Variants in AP1M1 observed in about 807,000 individuals in gnomAD.
AP1M1 encodes the protein AP-1 complex subunit mu-1.
AP1M1 carries 18 observed loss-of-function variants against 57.1 expected under a neutral mutation model. The ratio of observed to expected loss-of-function variants is 0.32; its 90% CI spans 0.22 to 0.47. The LOEUF (loss-of-function observed/expected upper bound fraction) is 0.47, where lower values mean the gene tolerates loss of function less well. Among genes scored for constraint, AP1M1 ranks in the 20% least tolerant of loss-of-function variants. The pLI is 1.00. For missense variants in AP1M1, 362 were observed against 593.5 expected, an observed-to-expected ratio of 0.61 and a Z score of 4.05; for synonymous variants, 241 against 237.9, an observed-to-expected ratio of 1.01 and a Z score of -0.12.
At chr19:16,229,209 C>T (rs1313517615) in intron 9 of AP1M1, among the ~76,000 whole-genome samples, 5 of 152,202 alleles carry the variant, frequency 3.3e-5, no homozygotes, top group Non-Finnish European at 7.3e-5. Context: ...TGTGATGCCC[C>T]TGAGTACTGA....
At chr19:16,213,472 G>A (rs191343773) in intron 5 of AP1M1, among the ~76,000 whole-genome samples, 1 of 152,096 alleles carries the variant, frequency 6.6e-6, no homozygotes, top group East Asian at 1.9e-4. Flanking sequence ...TTGAGTCTGT[G>A]GGTGTTATTG....
rs983166014 is a variant in AP1M1 at position 16,207,831 on chromosome 19, C to A, written c.268-188C>A. Among the ~76,000 whole-genome samples the A allele has an allele frequency of 9.9e-5, 15 of 152,166 alleles. No individual in the cohort carries two copies. The highest frequency in any genetic ancestry group is 2.1e-4 in the Non-Finnish European group (14 of 68,024). On this transcript the variant is annotated intron_variant, in intron 3 of 11. Coordinates refer to ENST00000291439, the MANE Select transcript of AP1M1 (RefSeq NM_032493.4). The surrounding 1 kb of genome is among the most constrained non-coding windows in gnomAD (Gnocchi z 4.2). ...CAGTGGCTCCAGCCTGGCCCCACCC[C>A]ACAGCCAGCCACTGCTGTCCTGCCC... is the stretch of plus-strand genomic sequence containing the variant.
rs1250630752 is a variant in AP1M1, at chr19:16,207,643, A to G, written c.268-376A>G. ...ATGGGGAAGATGCATCAAGCTTTCC[A>G]CTGAAATGGGGAAGATGGCAGCTCA... On this transcript the variant is annotated intron_variant, in intron 3 of 11. Transcript: ENST00000291439. This position sits in a 1 kb window ranked among gnomAD's most constrained non-coding sequence, Gnocchi z 4.2. Among the ~76,000 whole-genome samples the G allele has an allele frequency of 6.6e-6, 1 of 152,092 alleles. No homozygotes were observed. The highest frequency in any genetic ancestry group is 1.5e-5 in the Non-Finnish European group (1 of 67,996).
Position 16,244,816 on chromosome 19 carries a change from G to C in AP1M1, c.*10381G>C, listed in dbSNP as rs1472761341. On this transcript the variant is annotated 3_prime_UTR_variant, in exon 12 of 12. Transcript: ENST00000291439. ...CTGCAGTCCGCAGTCCGGCCTGGGC[G>C]ACAGAGCGAGACTCCGTCTCAAAAT... 6.6e-6 allele frequency: 1 copy of C among 151,666 alleles called. No individual in the cohort carries two copies. Among genetic ancestry groups the C allele is most frequent in the Non-Finnish European group, 1.5e-5 (1 of 68,006 alleles). 9.4% of individuals were successfully genotyped at this position (151,666 alleles called of 1,614,324 possible). A position where few individuals can be genotyped will look rare whatever the true frequency, so the allele number is the denominator to read the frequency against.
Position 16,228,061 on chromosome 19 carries a change from G to C in AP1M1, c.817-76G>C. On this transcript the variant is annotated intron_variant, in intron 7 of 11. Transcript: ENST00000291439. This position sits in a 1 kb window ranked among gnomAD's most constrained non-coding sequence, Gnocchi z 5.0. Reference sequence around the variant, plus strand: ...CTGGGCAGATGGTCCCTTGCCCTGGGCCTTGGTTTCCCCTCTGAAATGGGC... The same window carrying C: ...CTGGGCAGATGGTCCCTTGCCCTGGCCCTTGGTTTCCCCTCTGAAATGGGC... 1 of 1,459,938 alleles carries C rather than the reference G, an allele frequency of 6.8e-7. No individual in the cohort carries two copies. The highest frequency in any genetic ancestry group is 9.5e-7 in the Non-Finnish European group (1 of 1,050,716). 90.4% of individuals were successfully genotyped at this position (1,459,938 alleles called of 1,614,324 possible). A position where few individuals can be genotyped will look rare whatever the true frequency, so the allele number is the denominator to read the frequency against.
At chr19:16,218,023 T>C (rs981812096) in intron 5 of AP1M1, among the ~76,000 whole-genome samples, 2 of 152,206 alleles carry the variant, frequency 1.3e-5, no homozygotes, top group African/African-American at 4.8e-5. Flanking sequence ...CCCTTTTTCA[T>C]GGCAATGACC....
At position 16,239,239 on chromosome 19, in the gene AP1M1, C is replaced by CTTTTTTTTTTTT. The variant is rs71178661; in HGVS notation, c.*4833_*4844dup. On this transcript the variant is annotated 3_prime_UTR_variant, in exon 12 of 12. Coordinates refer to ENST00000291439, the MANE Select transcript of AP1M1 (RefSeq NM_032493.4). The stretch of plus-strand genomic sequence containing the variant: ...TGAGCCACCGCGCCCGGCCAGTTCT[C>CTTTTTTTTTTTT]TTTTTTTTTTTTTTTTTTTTTTTTT... 1.3e-4 allele frequency: 5 copies of CTTTTTTTTTTTT among 39,284 alleles called. 1 individual carries two copies. The highest frequency in any genetic ancestry group is 3.5e-4 in the African/African-American group (4 of 11,282). 2.4% of individuals were successfully genotyped at this position (39,284 alleles called of 1,614,324 possible).
chr19:16,231,814 ATCATATGGTGAT>A, intron 9 of AP1M1, among the ~76,000 whole-genome samples: 1 of 152,322 alleles, frequency 6.6e-6, no homozygotes, highest in East Asian at 1.9e-4. Flanking sequence ...GAATTGCTGG[ATCATATGGTGAT>A]TCTATTTTCA....
Position 16,236,902 on chromosome 19 carries a change from G to A in AP1M1, c.*2467G>A, listed in dbSNP as rs1599469921. 9.2e-6 allele frequency: 1 copy of A among 109,120 alleles called. No individual in the cohort carries two copies. Among genetic ancestry groups the A allele is most frequent in the South Asian group, 2.9e-4 (1 of 3,426 alleles). 6.8% of individuals were successfully genotyped at this position (109,120 alleles called of 1,614,324 possible). On this transcript the variant is annotated 3_prime_UTR_variant, in exon 12 of 12. Transcript: ENST00000291439. ...TGAAACAGCAGGATCAGATCCTCACGAACTTCAAAGATTATCGGCATGTAA... is the reference window on the plus strand; with the variant it reads ...TGAAACAGCAGGATCAGATCCTCACAAACTTCAAAGATTATCGGCATGTAA...
chr19:16,208,884 T>C, intron 4 of AP1M1, 146 bp from the exon 5 acceptor site: 2 of 943,714 alleles, frequency 2.1e-6, no homozygotes, highest in Non-Finnish European at 3.1e-6. Context: ...CTGCCTTTTC[T>C]GGAGCTGCTG....
chr19:16,213,094 A>G (rs1462662993), intron 5 of AP1M1, among the ~76,000 whole-genome samples: 1 of 152,194 alleles, frequency 6.6e-6, no homozygotes, highest in Non-Finnish European at 1.5e-5. Flanking sequence ...TTCTGTAGAT[A>G]TCTATCAGGT....
Position 16,206,344 on chromosome 19 carries a change from T to G in AP1M1, c.203T>G (p.Val68Gly). ...CTTAACTGTGGCCGCCATGCAGTGG[T>G]TGCCACATCCAAGAAGAACGCGTGC... ...MWIKHNNLYL[V>G]ATSKKNACVS... The change falls in exon 3 of 12, where the codon GTT becomes GGT. Residue 68 changes from valine to glycine, a missense_variant. Val to Gly is a moderately radical substitution (Grantham distance 109). Coordinates refer to ENST00000291439, the MANE Select transcript of AP1M1 (RefSeq NM_032493.4). This position sits in a 1 kb window ranked among gnomAD's most constrained non-coding sequence, Gnocchi z 4.3. 6.2e-7 allele frequency: 1 copy of G among 1,614,140 alleles called. No individual in the cohort carries two copies. The highest frequency in any genetic ancestry group is 1.1e-5 in the South Asian group (1 of 91,076).
chr19:16,232,137 C>T (rs982373724), intron 9 of AP1M1, among the ~76,000 whole-genome samples: 3 of 152,248 alleles, frequency 2.0e-5, no homozygotes, highest in Admixed American at 6.5e-5. Flanking sequence ...ACGGCAGCCT[C>T]TAGGATTGTG....
chr19:16,224,469 T>C (rs2091561430), intron 5 of AP1M1, among the ~76,000 whole-genome samples: 1 of 152,232 alleles, frequency 6.6e-6, no homozygotes, highest in South Asian at 2.1e-4. Context: ...GGTCAACATT[T>C]GCCTCCAGAT....
intron 4 of AP1M1, chr19:16,208,812 G>T (rs2091480911): frequency 1.9e-6 from 1 of 529,004 alleles, no homozygotes; most frequent in South Asian, 2.7e-5. Context: ...TAACTTGAGT[G>T]TATTGGCTTT....
intron 5 of AP1M1, among the ~76,000 whole-genome samples, chr19:16,226,095 G>A (rs961167260): frequency 6.6e-6 from 1 of 151,912 alleles, no homozygotes; most frequent in African/African-American, 2.4e-5. Flanking sequence ...CTCAGAGGGG[G>A]CTCCAGGCAC....
Position 16,227,261 on chromosome 19 carries a change from T to C in AP1M1, c.674-287T>C, listed in dbSNP as rs911195678. Among the ~76,000 whole-genome samples, 5 of 152,102 alleles carry C rather than the reference T, an allele frequency of 3.3e-5. No individual in the cohort carries two copies. Among genetic ancestry groups the C allele is most frequent in the African/African-American group, 1.2e-4 (5 of 41,444 alleles). On this transcript the variant is annotated intron_variant, in intron 6 of 11. Coordinates refer to ENST00000291439, the MANE Select transcript of AP1M1 (RefSeq NM_032493.4). The surrounding 1 kb of genome is among the most constrained non-coding windows in gnomAD (Gnocchi z 6.2). ...CCCAGCCAAGTCCACTGATCAATCA[T>C]TCAGTGAACGTGTCCTGAGCAGGTC... is the stretch of plus-strand genomic sequence containing the variant.
rs1373816663 is a variant in AP1M1 at position 16,242,402 on chromosome 19, C to T, written c.*7967C>T. Reference sequence around the variant, plus strand: ...ATAAATAATAGTACTTAAAACTGCACTGGGACTTTTGGGACACCCCTAGCA... The same window carrying T: ...ATAAATAATAGTACTTAAAACTGCATTGGGACTTTTGGGACACCCCTAGCA... On this transcript the variant is annotated 3_prime_UTR_variant, in exon 12 of 12. Coordinates refer to ENST00000291439, the MANE Select transcript of AP1M1 (RefSeq NM_032493.4). The T allele has an allele frequency of 6.6e-6, 1 of 152,120 alleles. No homozygotes were observed. Among genetic ancestry groups the T allele is most frequent in the African/African-American group, 2.4e-5 (1 of 41,416 alleles). The allele number at this position is 152,120 out of a possible 1,614,324, so 9.4% of individuals were successfully genotyped here. A position where few individuals can be genotyped will look rare whatever the true frequency, so the allele number is the denominator to read the frequency against.
chr19:16,207,045 G>A lies in AP1M1; in HGVS notation c.267+637G>A, dbSNP rs2091472329. On this transcript the variant is annotated intron_variant, in intron 3 of 11. Coordinates refer to ENST00000291439, the MANE Select transcript of AP1M1 (RefSeq NM_032493.4). The surrounding 1 kb of genome is among the most constrained non-coding windows in gnomAD (Gnocchi z 4.2). ...GCTTTAAGCAGGAGACTGACAAGAC[G>A]TGGTTTGATCTAAAGCAGCCTCTCT... Among the ~76,000 whole-genome samples the A allele has an allele frequency of 1.3e-5, 2 of 152,210 alleles. No individual in the cohort carries two copies. Among genetic ancestry groups the A allele is most frequent in the Non-Finnish European group, 2.9e-5 (2 of 68,042 alleles).
Sources: allele counts gnomAD v4.1 joint callset (sites outside exome capture counted in the v4.1 genomes callset), GRCh38; gene constraint gnomAD v4.1.1; non-coding constraint Gnocchi (gnomAD v3.1); transcripts MANE v1.5; gene names NCBI Gene and HGNC (gene_info 2026-07-23, HGNC 2026-07-21).